Variants in CFAP69 observed in about 807,000 individuals in gnomAD.
CFAP69 encodes cilia- and flagella-associated protein 69.
CFAP69 carries 92 observed loss-of-function variants against 123.0 expected under a neutral mutation model. The observed-to-expected ratio is 0.75, with a 90% confidence interval of 0.63 to 0.89. The LOEUF is 0.89. CFAP69 is among the 40% of genes least tolerant of loss of function. CFAP69 has a pLI of 0.00. For missense variants in CFAP69, 1,067 were observed against 1,096.9 expected (o/e 0.97, Z 0.39); for synonymous variants, 380 against 364.3 (o/e 1.04, Z -0.49).
chr7:90,282,841 T>C, intron 12 of CFAP69, 51 bp from the exon 13 acceptor site: 1 of 1,348,328 alleles, frequency 7.4e-7, no homozygotes, highest in East Asian at 2.7e-5. Context: ...ATCTGATATA[T>C]TTGCTTTATT....
chr7:90,269,265 G>A (rs566784513), intron 6 of CFAP69, among the ~76,000 whole-genome samples: 48 of 152,138 alleles, frequency 3.2e-4, no homozygotes, highest in Non-Finnish European at 5.9e-4. Context: ...GATACTAAAA[G>A]CAACAGGACC....
In CFAP69 at chr7:90,251,555, G is replaced by A. The variant is rs17865291; in HGVS notation, c.121-3868G>A. Among the ~76,000 whole-genome samples, 852 of 152,212 alleles carry A rather than the reference G, an allele frequency of 5.6e-3. 8 individuals carry two copies. Among genetic ancestry groups the A allele is most frequent in the African/African-American group, 0.02 (818 of 41,514 alleles). On this transcript the variant is annotated intron_variant, in intron 1 of 22. Transcript: ENST00000389297. ...TATGTTCAGTCTCAAACCATTCAAT[G>A]GCTTTTTAAGATCCTTGTGTTACAT...
At chr7:90,253,656 G>A (rs558952002) in intron 1 of CFAP69, among the ~76,000 whole-genome samples, 5 of 152,238 alleles carry the variant, frequency 3.3e-5, no homozygotes, top group East Asian at 1.9e-4. Flanking sequence ...CCTCTCAAGC[G>A]CTGGGATTAT....
At chr7:90,274,579 G>T (rs1800456571) in intron 9 of CFAP69, among the ~76,000 whole-genome samples, 2 of 152,126 alleles carry the variant, frequency 1.3e-5, no homozygotes, top group South Asian at 4.1e-4. Flanking sequence ...CAAAGATAAA[G>T]TTCTGCTGTC....
intron 5 of CFAP69, among the ~76,000 whole-genome samples, chr7:90,266,454 A>G (rs1799179088): frequency 6.6e-6 from 1 of 152,180 alleles, no homozygotes; most frequent in South Asian, 2.1e-4. Flanking sequence ...AAAAGAGGAC[A>G]TGGTAGTATT....
intron 15 of CFAP69, among the ~76,000 whole-genome samples, chr7:90,289,625 C>A (rs921711143): frequency 6.6e-6 from 1 of 152,118 alleles, no homozygotes; most frequent in Non-Finnish European, 1.5e-5. Context: ...GTCTTAATTT[C>A]AGTGTGGTCC....
chr7:90,279,554 T>A, intron 11 of CFAP69, 123 bp from the exon 12 acceptor site: 1 of 581,670 alleles, frequency 1.7e-6, no homozygotes, highest in Non-Finnish European at 2.8e-6. Flanking sequence ...ATTGGGGTTA[T>A]TTTATAAAGG....
At chr7:90,257,357 G>A (rs1183741824) in intron 2 of CFAP69, among the ~76,000 whole-genome samples, 1 of 152,044 alleles carries the variant, frequency 6.6e-6, no homozygotes, top group Non-Finnish European at 1.5e-5. Context: ...GTGATATTTT[G>A]TTACATGCAT....
chr7:90,315,476 A>G (rs1222229917), downstream of CFAP69, among the ~76,000 whole-genome samples: 1 of 152,212 alleles, frequency 6.6e-6, no homozygotes, highest in Non-Finnish European at 1.5e-5. Flanking sequence ...GGTGGAGGCC[A>G]TTATCCCTAG....
intron 15 of CFAP69, 104 bp downstream of exon 15, chr7:90,288,456 T>G (rs760378811): frequency 1.5e-5 from 20 of 1,307,994 alleles, no homozygotes; most frequent in Non-Finnish European, 2.1e-5. Flanking sequence ...CAATTTCATC[T>G]TATGCAAACA....
intron 11 of CFAP69, among the ~76,000 whole-genome samples, chr7:90,278,000 T>C (rs1220153245): frequency 6.6e-6 from 1 of 152,138 alleles, no homozygotes; most frequent in East Asian, 1.9e-4. Context: ...ATGAAGGCTT[T>C]TTAAACTATA....
At chr7:90,261,100 G>C (rs1450097370) in intron 3 of CFAP69, among the ~76,000 whole-genome samples, 1 of 143,638 alleles carries the variant, frequency 7.0e-6, no homozygotes, top group Non-Finnish European at 1.5e-5. Flanking sequence ...TTTTTTTTGA[G>C]ACAGAATCTC....
At chr7:90,314,793 A>T (rs775376005), downstream of CFAP69, among the ~76,000 whole-genome samples, 3 of 151,928 alleles carry the variant, frequency 2.0e-5, no homozygotes, top group African/African-American at 7.3e-5. Context: ...ATATATATAC[A>T]TGTGCCATGC....
At chr7:90,289,826 C>T (rs1254410600) in intron 15 of CFAP69, among the ~76,000 whole-genome samples, 1 of 152,124 alleles carries the variant, frequency 6.6e-6, no homozygotes, top group African/African-American at 2.4e-5. Flanking sequence ...ACAAGTTTTA[C>T]TTTTTTTGTA....
intron 14 of CFAP69, among the ~76,000 whole-genome samples, chr7:90,287,318 C>A (rs770513900): frequency 2.0e-5 from 3 of 151,998 alleles, no homozygotes; most frequent in Non-Finnish European, 4.4e-5. Context: ...GCTTTCATTT[C>A]TCTCGGGTAA....
At chr7:90,254,765 A>C (rs1380698229) in intron 1 of CFAP69, among the ~76,000 whole-genome samples, 5 of 152,178 alleles carry the variant, frequency 3.3e-5, no homozygotes, top group Non-Finnish European at 7.3e-5. Context: ...GAGTCATTGA[A>C]TAGTTTAGAC....
At chr7:90,277,928 C>A (rs1041767896) in intron 11 of CFAP69, among the ~76,000 whole-genome samples, 1 of 152,098 alleles carries the variant, frequency 6.6e-6, no homozygotes, top group Non-Finnish European at 1.5e-5. Flanking sequence ...TTCATTTCCT[C>A]CTCCTGTAAA....
At position 90,271,965 on chromosome 7, in the gene CFAP69, G is replaced by T; in HGVS notation, c.860+7G>T. On this transcript the variant is annotated splice_region_variant and intron_variant, in intron 8 of 22. Transcript: ENST00000389297. ...GTAACTTGGAATGTTTGCTGTAAGCGTATGTGGTTAGATAGGAATGTTCTT... is the reference window on the plus strand; with the variant it reads ...GTAACTTGGAATGTTTGCTGTAAGCTTATGTGGTTAGATAGGAATGTTCTT... 6.2e-7 allele frequency: 1 copy of T among 1,605,422 alleles called. No homozygotes were observed. Among genetic ancestry groups the T allele is most frequent in the Non-Finnish European group, 8.5e-7 (1 of 1,175,688 alleles).
intron 4 of CFAP69, among the ~76,000 whole-genome samples, chr7:90,263,054 T>C (rs915383687): frequency 1.3e-5 from 2 of 152,186 alleles, no homozygotes; most frequent in African/African-American, 4.8e-5. Context: ...GATTATATAA[T>C]GTAAAACTTT....
Sources: gnomAD v4.1 joint callset for allele counts (sites outside exome capture counted in the v4.1 genomes callset) on GRCh38, gnomAD v4.1.1 for gene constraint, MANE v1.5 for transcripts, NCBI Gene and HGNC (gene_info 2026-07-23, HGNC 2026-07-21) for gene names.